The following LRRC4C variants were observed in gnomAD, a reference collection of about 807,000 sequenced individuals.
The protein encoded by LRRC4C is leucine-rich repeat-containing protein 4C.
In LRRC4C, 5 loss-of-function variants were observed where a neutral mutation model predicts 33.6. The ratio of observed to expected loss-of-function variants is 0.15; its 90% CI spans 0.08 to 0.31. LRRC4C has a LOEUF of 0.31. Among genes scored for constraint, LRRC4C ranks in the 10% least tolerant of loss-of-function variants. The pLI is 1.00. For missense variants in LRRC4C, 560 were observed against 796.7 expected (o/e 0.70, Z 3.58); for synonymous variants, 329 against 302.0 (o/e 1.09, Z -0.93).
At chr11:40,486,879 C>T (rs1436255171) in intron 3 of LRRC4C, among the ~76,000 whole-genome samples, 7 of 151,990 alleles carry the variant, frequency 4.6e-5, no homozygotes, top group Non-Finnish European at 8.8e-5. Flanking sequence ...GGATAATGCT[C>T]AAAATAGAAC....
At chr11:40,463,728 C>T (rs545614059) in intron 3 of LRRC4C, among the ~76,000 whole-genome samples, 26 of 152,172 alleles carry the variant, frequency 1.7e-4, no homozygotes, top group South Asian at 6.2e-4. Context: ...AGAGCCACCA[C>T]ATTATATAGC....
At position 41,448,122 on chromosome 11, in the gene LRRC4C, G is replaced by GGTTTTTTTTTTTTTTTTTTTTTTTTTT. The variant is rs1554934483; in HGVS notation, c.-496+11308_-496+11309insAAAAAAAAAAAAAAAAAAAAAAAAAAC. Among the ~76,000 whole-genome samples the GGTTTTTTTTTTTTTTTTTTTTTTTTTT allele has an allele frequency of 3.9e-3, 182 of 46,890 alleles. 30 individuals carry two copies. Among genetic ancestry groups the GGTTTTTTTTTTTTTTTTTTTTTTTTTT allele is most frequent in the Non-Finnish European group, 6.1e-3 (139 of 22,906 alleles). The allele number at this position is 46,890 out of a possible 152,430, so 30.8% of individuals were successfully genotyped here. On this transcript the variant is annotated intron_variant, in intron 1 of 6. Transcript: ENST00000528697. ...ACAAACGAGGCTGCTGCACACGTCT[G>GGTTTTTTTTTTTTTTTTTTTTTTTTTT]TTTTTTTTTTTTTTTTTTTTGGAGC... is the stretch of plus-strand genomic sequence containing the variant.
At chr11:41,102,386 A>G (rs534925362) in intron 1 of LRRC4C, among the ~76,000 whole-genome samples, 54 of 152,198 alleles carry the variant, frequency 3.5e-4, no homozygotes, top group African/African-American at 1.2e-3. Flanking sequence ...TAATTTTTTG[A>G]AAGAAAAAGA....
intron 3 of LRRC4C, among the ~76,000 whole-genome samples, chr11:40,372,566 C>T (rs1227291985): frequency 6.6e-6 from 1 of 152,162 alleles, no homozygotes; most frequent in African/African-American, 2.4e-5. Flanking sequence ...CGTAACATAA[C>T]TTGTTCACAG....
At chr11:40,772,140 C>T (rs367887436) in intron 2 of LRRC4C, among the ~76,000 whole-genome samples, 4 of 152,184 alleles carry the variant, frequency 2.6e-5, no homozygotes, top group Admixed American at 6.5e-5. Context: ...TTAATTAACT[C>T]ACCTTTCTGC....
chr11:41,241,474 C>T (rs1948248719), intron 1 of LRRC4C, among the ~76,000 whole-genome samples: 1 of 151,894 alleles, frequency 6.6e-6, no homozygotes, highest in African/African-American at 2.4e-5. Flanking sequence ...AGGAGGAAGT[C>T]AAAAGAGATG....
chr11:41,011,943 G>T (rs1017467258), intron 1 of LRRC4C, among the ~76,000 whole-genome samples: 2 of 143,508 alleles, frequency 1.4e-5, no homozygotes, highest in African/African-American at 5.1e-5. Context: ...TGCCTCCTGG[G>T]TTTTTTTTTT....
chr11:40,636,037 A>C (rs1260861726), intron 3 of LRRC4C, among the ~76,000 whole-genome samples: 11 of 152,164 alleles, frequency 7.2e-5, no homozygotes, highest in Non-Finnish European at 1.3e-4. Context: ...GGAGGGCACG[A>C]TCTCATGCCC....
chr11:40,250,050 T>C (rs1287375510), intron 4 of LRRC4C, among the ~76,000 whole-genome samples: 1 of 152,204 alleles, frequency 6.6e-6, no homozygotes, highest in Non-Finnish European at 1.5e-5. Context: ...TTCTTCATTG[T>C]TCTTGTTCTG....
chr11:40,295,593 C>T (rs1213552299), intron 4 of LRRC4C, among the ~76,000 whole-genome samples: 2 of 152,046 alleles, frequency 1.3e-5, no homozygotes, highest in Non-Finnish European at 2.9e-5. Flanking sequence ...ACGGTATTTC[C>T]TTGTTTGAGT....
chr11:40,230,511 C>T (rs1865125112), intron 5 of LRRC4C, among the ~76,000 whole-genome samples: 1 of 152,174 alleles, frequency 6.6e-6, no homozygotes. Flanking sequence ...TCAGAACTCC[C>T]AGACTTCAGT....
At chr11:40,122,506 T>C (rs1280773332) in intron 6 of LRRC4C, among the ~76,000 whole-genome samples, 1 of 152,102 alleles carries the variant, frequency 6.6e-6, no homozygotes, top group Non-Finnish European at 1.5e-5. Context: ...GAACAGGCAG[T>C]ATTTGGTTTT....
chr11:40,947,381 C>G (rs770141544), intron 1 of LRRC4C, among the ~76,000 whole-genome samples: 1 of 152,008 alleles, frequency 6.6e-6, no homozygotes, highest in Non-Finnish European at 1.5e-5. Flanking sequence ...ATAATTTGAT[C>G]CTTTCAGGTC....
intron 4 of LRRC4C, among the ~76,000 whole-genome samples, chr11:40,302,142 G>A (rs1396094914): frequency 6.6e-6 from 1 of 152,108 alleles, no homozygotes; most frequent in Admixed American, 6.6e-5. Flanking sequence ...AAGACTGTGA[G>A]GTATGTCCCA....
At chr11:40,396,924 T>C (rs1949565118) in intron 3 of LRRC4C, among the ~76,000 whole-genome samples, 1 of 152,102 alleles carries the variant, frequency 6.6e-6, no homozygotes, top group Non-Finnish European at 1.5e-5. Context: ...TTCTCTATAA[T>C]ACAAGTATTA....
At chr11:41,382,423 TAAAC>T (rs1405622776) in intron 1 of LRRC4C, among the ~76,000 whole-genome samples, 4 of 152,084 alleles carry the variant, frequency 2.6e-5, no homozygotes, top group African/African-American at 9.7e-5. Flanking sequence ...TGCTTTAATA[TAAAC>T]AGATTATCAC....
At chr11:41,170,779 C>G (rs984116080) in intron 1 of LRRC4C, among the ~76,000 whole-genome samples, 5 of 152,170 alleles carry the variant, frequency 3.3e-5, no homozygotes, top group African/African-American at 1.2e-4. Context: ...CTAAAGAGCT[C>G]TGCAAAGCAA....
chr11:40,983,228 C>T (rs1852669100), intron 1 of LRRC4C, among the ~76,000 whole-genome samples: 1 of 152,018 alleles, frequency 6.6e-6, no homozygotes, highest in African/African-American at 2.4e-5. Flanking sequence ...GTCCTTAGGT[C>T]TTTGAAGAAT....
intron 1 of LRRC4C, among the ~76,000 whole-genome samples, chr11:41,423,579 C>T (rs1251347604): frequency 1.3e-5 from 2 of 151,914 alleles, no homozygotes; most frequent in African/African-American, 4.8e-5. Context: ...ATTCTGGAGA[C>T]ATCATAGACG....
Sources: allele counts gnomAD v4.1 joint callset (sites outside exome capture counted in the v4.1 genomes callset), GRCh38; gene constraint gnomAD v4.1.1; transcripts MANE v1.5; gene names NCBI Gene and HGNC (gene_info 2026-07-23, HGNC 2026-07-21).